IGSF11: variants seen among roughly 807,000 people sequenced by gnomAD.
The protein encoded by IGSF11 is immunoglobulin superfamily member 11, also known as CXADR like 1.
A neutral mutation model predicts 41.0 loss-of-function variants in IGSF11; 22 were observed. That is an observed-to-expected ratio of 0.54 (90% CI 0.38 to 0.77). The LOEUF is 0.77. Ranked by LOEUF, IGSF11 falls within the 30% of genes least tolerant of loss-of-function variation. The pLI is 0.00. For synonymous variants in IGSF11, 219 were observed against 201.3 expected (o/e 1.09, Z -0.74); for missense variants, 444 against 530.8 (o/e 0.84, Z 1.61).
At chr3:119,083,101 TTTTTTC>T (rs1416153062) in intron 1 of IGSF11, among the ~76,000 whole-genome samples, 6 of 150,284 alleles carry the variant, frequency 4.0e-5, no homozygotes, top group Middle Eastern at 3.2e-3. Context: ...CTAATTCCTT[TTTTTTC>T]TTTTTCTTTT....
rs184669094 is a variant in IGSF11 at position 118,995,941 on chromosome 3, C to A, written c.52+38590G>T. Among the ~76,000 whole-genome samples, 97 of 152,268 alleles carry A rather than the reference C, an allele frequency of 6.4e-4. 1 individual carries two copies. In the East Asian group the frequency reaches 0.017, roughly 27 times the overall value. Reference sequence around the variant, plus strand: ...GGGATGACAGGCGTGAGCCACTGCACCTGGCTAATTTTTTGTATTTTTAGT... The same window carrying A: ...GGGATGACAGGCGTGAGCCACTGCAACTGGCTAATTTTTTGTATTTTTAGT... On this transcript the variant is annotated intron_variant, in intron 1 of 6. Coordinates refer to ENST00000393775, the MANE Select transcript of IGSF11 (RefSeq NM_001015887.3).
At chr3:118,976,254 A>C (rs533513753) in intron 1 of IGSF11, among the ~76,000 whole-genome samples, 2 of 152,346 alleles carry the variant, frequency 1.3e-5, no homozygotes, top group Admixed American at 6.5e-5. Context: ...TCATCACTTC[A>C]AAGTCAATGT....
Position 118,905,589 on chromosome 3 carries a change from T to C in IGSF11, c.703+7A>G, listed in dbSNP as rs761096458. Reference sequence around the variant, plus strand: ...CATGGTTGACATCAGAATTTCCATATGCTTACGTGAAATAACCTGGAGATC... The same window carrying C: ...CATGGTTGACATCAGAATTTCCATACGCTTACGTGAAATAACCTGGAGATC... On this transcript the variant is annotated splice_region_variant and intron_variant, in intron 5 of 6. Transcript: ENST00000393775. 4 of 1,613,754 alleles carry C rather than the reference T, an allele frequency of 2.5e-6. No individual in the cohort carries two copies. Among genetic ancestry groups the C allele is most frequent in the Non-Finnish European group, 3.4e-6 (4 of 1,179,716 alleles).
At chr3:119,093,680 A>G (rs981397866) in intron 1 of IGSF11, among the ~76,000 whole-genome samples, 52 of 152,142 alleles carry the variant, frequency 3.4e-4, no homozygotes, top group Non-Finnish European at 7.4e-5. Context: ...CCTTTTCTTC[A>G]TCAGAGGTTG....
At chr3:119,107,479 G>A (rs530723442), upstream of IGSF11, among the ~76,000 whole-genome samples, 1 of 152,128 alleles carries the variant, frequency 6.6e-6, no homozygotes, top group African/African-American at 2.4e-5. Flanking sequence ...TGTAGATTCT[G>A]GATATTAGCC....
At chr3:119,038,649 AT>A (rs1941001320), upstream of IGSF11, among the ~76,000 whole-genome samples, 1 of 152,212 alleles carries the variant, frequency 6.6e-6, no homozygotes, top group Non-Finnish European at 1.5e-5. Flanking sequence ...CATAAGTAGC[AT>A]TTTGTATGTC....
chr3:118,987,429 G>C (rs1439782364), intron 1 of IGSF11, among the ~76,000 whole-genome samples: 1 of 152,174 alleles, frequency 6.6e-6, no homozygotes, highest in Non-Finnish European at 1.5e-5. Flanking sequence ...AGGGCTTCAA[G>C]CTCAGGAGTA....
chr3:119,109,606 C>T (rs1207545560), upstream of IGSF11, among the ~76,000 whole-genome samples: 8 of 152,232 alleles, frequency 5.3e-5, no homozygotes, highest in South Asian at 4.1e-4. Context: ...CTGCTCTGAT[C>T]TTAGTTATTT....
chr3:118,913,421 G>C (rs1046902186), intron 4 of IGSF11, among the ~76,000 whole-genome samples: 3 of 147,446 alleles, frequency 2.0e-5, no homozygotes, highest in African/African-American at 7.3e-5. Context: ...ACTGCAAAAA[G>C]CAAAGGAAGG....
intron 1 of IGSF11, among the ~76,000 whole-genome samples, chr3:119,077,499 CCT>C (rs1258746844): frequency 1.3e-5 from 2 of 151,456 alleles, no homozygotes; most frequent in Non-Finnish European, 2.9e-5. Flanking sequence ...GAAAAAAAAC[CCT>C]CAACAAACCA....
At chr3:118,908,482 C>G (rs943274850) in intron 4 of IGSF11, among the ~76,000 whole-genome samples, 3 of 152,196 alleles carry the variant, frequency 2.0e-5, no homozygotes, top group African/African-American at 7.2e-5. Context: ...TTTGCAGCCA[C>G]AAAGCACATA....
At chr3:118,982,158 A>T (rs1388973593) in intron 1 of IGSF11, among the ~76,000 whole-genome samples, 1 of 152,188 alleles carries the variant, frequency 6.6e-6, no homozygotes, top group African/African-American at 2.4e-5. Flanking sequence ...CTTAGGTTAG[A>T]CTGTCCACCG....
chr3:119,082,243 T>C (rs1576776314), intron 1 of IGSF11, among the ~76,000 whole-genome samples: 1 of 152,178 alleles, frequency 6.6e-6, no homozygotes, highest in East Asian at 1.9e-4. Context: ...TAAGAAAAAA[T>C]GGCAACATAA....
intron 1 of IGSF11, among the ~76,000 whole-genome samples, chr3:119,071,885 A>T (rs1000413989): frequency 6.6e-6 from 1 of 152,228 alleles, no homozygotes; most frequent in Non-Finnish European, 1.5e-5. Context: ...AACAGCTGGA[A>T]TTTTGACAGG....
At position 119,011,938 on chromosome 3, in the gene IGSF11, T is replaced by C. The variant is rs531974964; in HGVS notation, c.52+22593A>G. Among the ~76,000 whole-genome samples, 71 of 146,558 alleles carry C rather than the reference T, an allele frequency of 4.8e-4. 1 individual carries two copies. The South Asian group carries it at 0.015, about 30-fold the overall frequency. ...AAAAAGACAATCAACAGATGCTATA[T>C]AGTGTTCTGTGTGTGTGTGTGTGTG... On this transcript the variant is annotated intron_variant, in intron 1 of 6. Transcript: ENST00000393775.
At chr3:118,958,559 T>TA (rs1390647224) in intron 1 of IGSF11, among the ~76,000 whole-genome samples, 1 of 152,032 alleles carries the variant, frequency 6.6e-6, no homozygotes, top group Admixed American at 6.6e-5. Flanking sequence ...AGCAGCAAGA[T>TA]AAAAAAATTA....
chr3:119,130,162 T>C (rs1372283765), intron 1 of IGSF11, among the ~76,000 whole-genome samples: 1 of 152,178 alleles, frequency 6.6e-6, no homozygotes, highest in African/African-American at 2.4e-5. Flanking sequence ...AGGTGATTTC[T>C]GCATTTCCAA....
In IGSF11 at chr3:118,928,490, G is replaced by T; in HGVS notation, c.424+19C>A. 6.2e-7 allele frequency: 1 copy of T among 1,601,782 alleles called. No individual in the cohort carries two copies. The highest frequency in any genetic ancestry group is 8.5e-7 in the Non-Finnish European group (1 of 1,170,510). Reference sequence around the variant, plus strand: ...TCGTGAGTAAAGCCCGAACAGCCAAGGACTCTTGTGTCACTCACCTAACAC... The same window carrying T: ...TCGTGAGTAAAGCCCGAACAGCCAATGACTCTTGTGTCACTCACCTAACAC... On this transcript the variant is annotated intron_variant, in intron 3 of 6. Coordinates refer to ENST00000393775, the MANE Select transcript of IGSF11 (RefSeq NM_001015887.3).
chr3:118,916,221 ACAT>A (rs1340341349), intron 4 of IGSF11, among the ~76,000 whole-genome samples: 1 of 151,302 alleles, frequency 6.6e-6, no homozygotes, highest in Non-Finnish European at 1.5e-5. Context: ...TCACCAGCTA[ACAT>A]CATAATGACA....
Sources: gnomAD v4.1 joint callset for allele counts (sites outside exome capture counted in the v4.1 genomes callset) on GRCh38, gnomAD v4.1.1 for gene constraint, MANE v1.5 for transcripts, NCBI Gene and HGNC (gene_info 2026-07-23, HGNC 2026-07-21) for gene names.